Variants in COL25A1 observed in about 807,000 individuals in gnomAD.
The protein encoded by COL25A1 is collagen type XXV alpha 1 chain.
COL25A1 carries 103 observed loss-of-function variants against 128.4 expected under a neutral mutation model. The ratio of observed to expected loss-of-function variants is 0.80; its 90% CI spans 0.68 to 0.94. COL25A1 has a LOEUF of 0.94. Among genes scored for constraint, COL25A1 ranks in the 40% least tolerant of loss-of-function variants. The pLI, the probability that COL25A1 is intolerant of heterozygous loss-of-function variation, is 0.00. For synonymous variants in COL25A1, 279 were observed against 277.2 expected, an observed-to-expected ratio of 1.01 and a Z score of -0.06; for missense variants, 745 against 840.0, an observed-to-expected ratio of 0.89 and a Z score of 1.40.
At chr4:109,019,888 G>A (rs999465445) in intron 5 of COL25A1, among the ~76,000 whole-genome samples, 4 of 152,064 alleles carry the variant, frequency 2.6e-5, no homozygotes, top group African/African-American at 4.8e-5. Flanking sequence ...CCATATTGAC[G>A]AAAAATTACT....
intron 24 of COL25A1, among the ~76,000 whole-genome samples, chr4:108,859,052 T>C (rs1015328473): frequency 2.0e-5 from 3 of 152,192 alleles, no homozygotes; most frequent in African/African-American, 4.8e-5. Context: ...ACAAGCCACA[T>C]AGTCTATTGC....
At chr4:108,988,646 A>G (rs10001049) in intron 6 of COL25A1, among the ~76,000 whole-genome samples, 120,975 of 152,156 alleles carry the variant, frequency 0.8, 49,266 homozygotes, top group East Asian at 0.99. Context: ...TTTAAAAAGA[A>G]TTATTCTGTT....
intron 3 of COL25A1, among the ~76,000 whole-genome samples, chr4:109,245,946 A>G (rs1780227003): frequency 6.6e-6 from 1 of 150,482 alleles, no homozygotes; most frequent in African/African-American, 2.5e-5. Flanking sequence ...GGTAGGAGAG[A>G]TATGCAGAGG....
At chr4:109,128,139 G>A (rs1345701854) in intron 3 of COL25A1, among the ~76,000 whole-genome samples, 1 of 152,170 alleles carries the variant, frequency 6.6e-6, no homozygotes, top group Non-Finnish European at 1.5e-5. Flanking sequence ...GGAAGTTAGA[G>A]TCAGGAGATG....
Position 108,916,401 on chromosome 4 carries a change from G to A in COL25A1, c.780+1771C>T, listed in dbSNP as rs140051962. ...ATTCCTTTCTCTTGCTAAGGAAATT[G>A]CATATTTCCTTTGCAAAAATAAAGA... On this transcript the variant is annotated intron_variant, in intron 13 of 37. Coordinates refer to ENST00000399132, the MANE Select transcript of COL25A1 (RefSeq NM_198721.4). Among the ~76,000 whole-genome samples, 30 of 152,244 alleles carry A rather than the reference G, an allele frequency of 2.0e-4. No homozygotes were observed. In the East Asian group the frequency reaches 5.6e-3, roughly 28 times the overall value.
At chr4:108,887,613 T>C (rs925673068) in intron 18 of COL25A1, among the ~76,000 whole-genome samples, 1 of 152,190 alleles carries the variant, frequency 6.6e-6, no homozygotes, top group African/African-American at 2.4e-5. Flanking sequence ...TCTCTCAATA[T>C]AGTTTAAAAC....
At chr4:109,227,641 A>G (rs554506543) in intron 3 of COL25A1, among the ~76,000 whole-genome samples, 1 of 150,542 alleles carries the variant, frequency 6.6e-6, no homozygotes, top group Non-Finnish European at 1.5e-5. Flanking sequence ...AAGTAGCCTC[A>G]TACACTTATC....
At chr4:108,962,664 CA>C (rs1750859243) in intron 8 of COL25A1, among the ~76,000 whole-genome samples, 1 of 152,072 alleles carries the variant, frequency 6.6e-6, no homozygotes, top group Non-Finnish European at 1.5e-5. Flanking sequence ...GCTTATAAAG[CA>C]TGATAAGAAT....
At chr4:108,990,900 C>T (rs1293816436) in intron 6 of COL25A1, among the ~76,000 whole-genome samples, 1 of 152,200 alleles carries the variant, frequency 6.6e-6, no homozygotes, top group Non-Finnish European at 1.5e-5. Context: ...GTACCTACCC[C>T]TGGAGCCCAT....
At chr4:109,209,188 G>A (rs1217567660) in intron 3 of COL25A1, among the ~76,000 whole-genome samples, 2 of 152,030 alleles carry the variant, frequency 1.3e-5, no homozygotes, top group African/African-American at 2.4e-5. Flanking sequence ...CAAAACAATG[G>A]GTTAAGGTGA....
At chr4:109,278,443 T>G (rs6833467) in intron 3 of COL25A1, among the ~76,000 whole-genome samples, 1 of 152,060 alleles carries the variant, frequency 6.6e-6, no homozygotes, top group African/African-American at 2.4e-5. Flanking sequence ...TCCTATAATT[T>G]TTTGGAAAAT....
At position 108,941,444 on chromosome 4, in the gene COL25A1, A is replaced by T. The variant is rs749991418; in HGVS notation, c.493-7T>A. 6.2e-7 allele frequency: 1 copy of T among 1,612,464 alleles called. No individual in the cohort carries two copies. On this transcript the variant is annotated splice_polypyrimidine_tract_variant and splice_region_variant and intron_variant, in intron 8 of 37. Coordinates refer to ENST00000399132, the MANE Select transcript of COL25A1 (RefSeq NM_198721.4). ...TGATTTTAGGAAACACCATCTGATC[A>T]GTCAGTTGAGGTCAAAGGTTGAAGT...
rs1376745333 is a variant in COL25A1 at position 108,886,478 on chromosome 4, G to GTTTTTTTTT, written c.976-2257_976-2256insAAAAAAAAA. 2.0e-4 allele frequency among the ~76,000 whole-genome samples: 25 copies of GTTTTTTTTT among 125,424 alleles called. 2 individuals carry two copies. Among genetic ancestry groups the GTTTTTTTTT allele is most frequent in the African/African-American group, 7.2e-4 (23 of 31,820 alleles). 82.3% of individuals were successfully genotyped at this position (125,424 alleles called of 152,430 possible). ...TGTGTGTGTGTGTGTGTGTGTGTGT[G>GTTTTTTTTT]TGTGTGTGTGTGTGTTTAGCTCATC... On this transcript the variant is annotated intron_variant, in intron 18 of 37. Coordinates refer to ENST00000399132, the MANE Select transcript of COL25A1 (RefSeq NM_198721.4).
At chr4:108,926,209 T>C (rs544886272) in intron 11 of COL25A1, among the ~76,000 whole-genome samples, 5 of 152,292 alleles carry the variant, frequency 3.3e-5, no homozygotes, top group South Asian at 2.1e-4. Flanking sequence ...TCTTGGGACA[T>C]GTTTTAAGGC....
chr4:108,948,710 A>G (rs981138262), intron 8 of COL25A1, among the ~76,000 whole-genome samples: 1 of 152,104 alleles, frequency 6.6e-6, no homozygotes, highest in South Asian at 2.1e-4. Flanking sequence ...TTGTCTTTTT[A>G]TATGTCGATG....
intron 3 of COL25A1, among the ~76,000 whole-genome samples, chr4:109,179,988 T>G (rs1028722028): frequency 6.6e-6 from 1 of 152,184 alleles, no homozygotes. Context: ...GTAAGCACCA[T>G]GTGGTTTGGG....
At chr4:108,929,232 T>C (rs1333426485) in intron 11 of COL25A1, among the ~76,000 whole-genome samples, 1 of 152,108 alleles carries the variant, frequency 6.6e-6, no homozygotes, top group Non-Finnish European at 1.5e-5. Context: ...CAAGTGATTC[T>C]CCTGCCTCAG....
chr4:109,055,121 C>G (rs1256368930), intron 3 of COL25A1, among the ~76,000 whole-genome samples: 1 of 152,162 alleles, frequency 6.6e-6, no homozygotes, highest in Non-Finnish European at 1.5e-5. Context: ...TTGCTTAATG[C>G]CTGAAATTCC....
chr4:109,096,096 ATGT>A (rs1765376022), intron 3 of COL25A1, among the ~76,000 whole-genome samples: 2 of 152,164 alleles, frequency 1.3e-5, no homozygotes, highest in African/African-American at 4.8e-5. Flanking sequence ...AGCCAAATGA[ATGT>A]TGTCATTATC....
Sources: gnomAD v4.1 joint callset for allele counts (sites outside exome capture counted in the v4.1 genomes callset) on GRCh38, gnomAD v4.1.1 for gene constraint, MANE v1.5 for transcripts, NCBI Gene and HGNC (gene_info 2026-07-23, HGNC 2026-07-21) for gene names.